The following NCBP1 variants were observed in gnomAD, a reference collection of about 807,000 sequenced individuals.
NCBP1 encodes nuclear cap-binding protein subunit 1.
NCBP1 carries 16 observed loss-of-function variants against 111.7 expected under a neutral mutation model. That is an observed-to-expected ratio of 0.14 (90% CI 0.10 to 0.22). The LOEUF is 0.22. NCBP1 is among the 10% of genes least tolerant of loss of function. The pLI, the probability that NCBP1 is intolerant of heterozygous loss-of-function variation, is 1.00. For synonymous variants in NCBP1, 304 were observed against 314.3 expected, an observed-to-expected ratio of 0.97 and a Z score of 0.35; for missense variants, 607 against 957.5, an observed-to-expected ratio of 0.63 and a Z score of 4.83.
In NCBP1 at chr9:97,671,261, T is replaced by G; in HGVS notation, c.*62T>G. ...ATCTTAAAATAATTTGTCTTATTTT[T>G]TGATGGTTTGAATGCTTGCTTTCTT... On this transcript the variant is annotated 3_prime_UTR_variant, in exon 23 of 23. Transcript: ENST00000375147. 1 of 1,233,368 alleles carries G rather than the reference T, an allele frequency of 8.1e-7. No individual in the cohort carries two copies. 76.4% of individuals were successfully genotyped at this position (1,233,368 alleles called of 1,614,324 possible). A position where few individuals can be genotyped will look rare whatever the true frequency, so the allele number is the denominator to read the frequency against.
At position 97,662,943 on chromosome 9, in the gene NCBP1, A is replaced by C. The variant is rs747965974; in HGVS notation, c.1704-11A>C. Reference sequence around the variant, plus strand: ...GTATATATGGTATTTTTTTCCCATCATTATCAAAAGGTTTCATGAAGTCTT... The same window carrying C: ...GTATATATGGTATTTTTTTCCCATCCTTATCAAAAGGTTTCATGAAGTCTT... On this transcript the variant is annotated splice_polypyrimidine_tract_variant and intron_variant, in intron 17 of 22. Coordinates refer to ENST00000375147, the MANE Select transcript of NCBP1 (RefSeq NM_002486.5). 13 of 1,591,378 alleles carry C rather than the reference A, an allele frequency of 8.2e-6. No individual in the cohort carries two copies. The South Asian group carries it at 1.2e-4, about 15-fold the overall frequency.
At chr9:97,661,327 C>G (rs1029072581) in intron 16 of NCBP1, among the ~76,000 whole-genome samples, 2 of 152,040 alleles carry the variant, frequency 1.3e-5, no homozygotes, top group African/African-American at 4.8e-5. Flanking sequence ...GATTTTTAAC[C>G]CCTGCTTTCA....
At chr9:97,642,986 T>C (rs576237305) in intron 3 of NCBP1, among the ~76,000 whole-genome samples, 1 of 152,298 alleles carries the variant, frequency 6.6e-6, no homozygotes, top group Non-Finnish European at 1.5e-5. Flanking sequence ...TCATTTACTT[T>C]CTTAACTCTT....
At chr9:97,648,289 C>A in intron 8 of NCBP1, 66 bp downstream of exon 8, 1 of 1,405,528 alleles carries the variant, frequency 7.1e-7, no homozygotes, top group Non-Finnish European at 1.0e-6. Context: ...GTTAATCCCG[C>A]TTGAATTATG....
Position 97,648,189 on chromosome 9 carries a change from T to C in NCBP1, c.863T>C (p.Ile288Thr). The C allele has an allele frequency of 6.2e-7, 1 of 1,614,182 alleles. No homozygotes were observed. The highest frequency in any genetic ancestry group is 8.5e-7 in the Non-Finnish European group (1 of 1,180,030). The change falls in exon 8 of 23, where the codon ATC (isoleucine) becomes ACC (threonine). Residue 288 changes from isoleucine (I) to threonine (T), a missense_variant. Coordinates refer to ENST00000375147, the MANE Select transcript of NCBP1 (RefSeq NM_002486.5). ...TCAGTGTACCCAATGCCAAGGGTCATCTTCAGAATGTTTGATTACACAGAT... is the reference window on the plus strand; with the variant it reads ...TCAGTGTACCCAATGCCAAGGGTCACCTTCAGAATGTTTGATTACACAGAT... ...EDSVYPMPRV[I>T]FRMFDYTDDP...
At chr9:97,645,413 CATAAT>C in intron 5 of NCBP1, among the ~76,000 whole-genome samples, 189 bp downstream of exon 5, 1 of 152,148 alleles carries the variant, frequency 6.6e-6, no homozygotes, top group Non-Finnish European at 1.5e-5. Flanking sequence ...GGTGGGTTCT[CATAAT>C]ATCTGTATGT....
intron 20 of NCBP1, 83 bp from the exon 21 acceptor site, chr9:97,668,763 C>T: frequency 6.9e-7 from 1 of 1,450,012 alleles, no homozygotes; most frequent in African/African-American, 1.4e-5. Flanking sequence ...TTTGGCCAGA[C>T]ACAGTAAAAT....
intron 15 of NCBP1, among the ~76,000 whole-genome samples, chr9:97,660,083 A>G (rs563819645): frequency 6.6e-6 from 1 of 152,186 alleles, no homozygotes; most frequent in Non-Finnish European, 1.5e-5. Flanking sequence ...GGCTGTGTCT[A>G]ATGTGAATAT....
At chr9:97,635,634 C>T (rs991941861) in intron 1 of NCBP1, among the ~76,000 whole-genome samples, 2 of 151,820 alleles carry the variant, frequency 1.3e-5, no homozygotes, top group Admixed American at 1.3e-4. Flanking sequence ...GTTGCCCAGG[C>T]TGATCTTGAA....
intron 1 of NCBP1, among the ~76,000 whole-genome samples, chr9:97,636,689 A>G (rs1307741554): frequency 1.4e-5 from 2 of 142,832 alleles, no homozygotes; most frequent in African/African-American, 2.6e-5. Flanking sequence ...CATTTATTCA[A>G]CAAATACTTA....
At position 97,664,287 on chromosome 9, in the gene NCBP1, ATATGTGTGTG is replaced by A. The variant is rs1827928084; in HGVS notation, c.1798-41_1798-32del. The A allele has an allele frequency of 6.4e-5, 74 of 1,157,360 alleles. 1 individual carries two copies. The South Asian group carries it at 8.5e-4, about 13-fold the overall frequency. The allele number at this position is 1,157,360 out of a possible 1,614,324, so 71.7% of individuals were successfully genotyped here. A position where few individuals can be genotyped will look rare whatever the true frequency, so the allele number is the denominator to read the frequency against. On this transcript the variant is annotated intron_variant, in intron 18 of 22. Coordinates refer to ENST00000375147, the MANE Select transcript of NCBP1 (RefSeq NM_002486.5). ...ATAGCAGCAGTGTGGTGGCACATAT[ATATGTGTGTG>A]TATGTGTGTGTGTGATTTACTTGAA...
rs77083291 is a variant in NCBP1 at position 97,658,426 on chromosome 9, C to G, written c.1374-214C>G. The stretch of plus-strand genomic sequence containing the variant: ...CCACCAGGCTCATGAGCTCACTCAC[C>G]CGCACCTCAGTGCAAGCCAGTGAGT... On this transcript the variant is annotated intron_variant, in intron 14 of 22. Coordinates refer to ENST00000375147, the MANE Select transcript of NCBP1 (RefSeq NM_002486.5). Among the ~76,000 whole-genome samples, 93 of 152,364 alleles carry G rather than the reference C, an allele frequency of 6.1e-4. 1 individual carries two copies. The East Asian group carries it at 0.017, about 27-fold the overall frequency.
intron 3 of NCBP1, among the ~76,000 whole-genome samples, chr9:97,642,430 G>C (rs1233358100): frequency 6.6e-6 from 1 of 151,922 alleles, no homozygotes; most frequent in African/African-American, 2.4e-5. Context: ...AGGTACTTTA[G>C]GAAAACAAGT....
intron 19 of NCBP1, among the ~76,000 whole-genome samples, chr9:97,664,709 G>A (rs1419160382): frequency 1.3e-5 from 2 of 152,216 alleles, no homozygotes; most frequent in Non-Finnish European, 2.9e-5. Context: ...GATCCAGACT[G>A]TTGGGAGAGA....
chr9:97,633,829 C>A lies in NCBP1; in HGVS notation c.-53C>A. On this transcript the variant is annotated 5_prime_UTR_variant, in exon 1 of 23. Coordinates refer to ENST00000375147, the MANE Select transcript of NCBP1 (RefSeq NM_002486.5). ...TGCGTCGGCCAGCGGCCAGACAGTT[C>A]CTGCAGCGCTTACCGCCTGGCCTCT... The A allele has an allele frequency of 6.5e-7, 1 of 1,549,934 alleles. No individual in the cohort carries two copies. Among genetic ancestry groups the A allele is most frequent in the Non-Finnish European group, 8.7e-7 (1 of 1,153,908 alleles).
chr9:97,667,523 T>C (rs1828045241), intron 20 of NCBP1, among the ~76,000 whole-genome samples: 1 of 152,178 alleles, frequency 6.6e-6, no homozygotes, highest in East Asian at 1.9e-4. Context: ...CACTCAGACC[T>C]GAAATACTGT....
Position 97,645,163 on chromosome 9 carries a change from C to A in NCBP1, c.428C>A (p.Pro143Gln). The change falls in exon 5 of 23, where the codon CCA (proline) becomes CAA (glutamine). Residue 143 changes from proline (P) to glutamine (Q), a missense_variant. By Grantham distance (76) the Pro-to-Gln change is moderately conservative (BLOSUM62 -1). Transcript: ENST00000375147. Reference sequence around the variant, plus strand: ...GTGAATTGTCATGTGATTGCCGCCCCATCAATGGTTGCTATGTTTGAAAAT... The same window carrying A: ...GTGAATTGTCATGTGATTGCCGCCCAATCAATGGTTGCTATGTTTGAAAAT... ...DLVNCHVIAA[P>Q]SMVAMFENFV... is the part of the protein sequence containing the mutation. 6.2e-7 allele frequency: 1 copy of A among 1,613,492 alleles called. No homozygotes were observed. The highest frequency in any genetic ancestry group is 2.2e-5 in the East Asian group (1 of 44,828).
At position 97,645,653 on chromosome 9, in the gene NCBP1, C is replaced by T; in HGVS notation, c.532C>T (p.Pro178Ser). ...TGTGTATGCATTTCTGTCATCTTTG[C>T]CCTGGGTTGGAAAGGAGTTGTACGA... The part of the protein sequence containing the change: ...WYVYAFLSSL[P>S]WVGKELYEKK... Residue 178 changes from proline to serine, a missense_variant, in exon 6 of 23, where the codon CCC (proline) becomes TCC (serine). This residue lies in a region of NCBP1 where 185 missense variants were observed against 272.0 expected (regional missense o/e 0.68). Coordinates refer to ENST00000375147, the MANE Select transcript of NCBP1 (RefSeq NM_002486.5). The T allele has an allele frequency of 3.1e-6, 5 of 1,613,964 alleles. No individual in the cohort carries two copies. In the East Asian group the frequency reaches 1.1e-4, roughly 36 times the overall value.
chr9:97,669,738 C>T, intron 22 of NCBP1, 32 bp downstream of exon 22: 1 of 1,376,200 alleles, frequency 7.3e-7, no homozygotes. Flanking sequence ...GGTAATAACA[C>T]TATTCTCAGC....
Sources: gnomAD v4.1 joint callset for allele counts (sites outside exome capture counted in the v4.1 genomes callset) on GRCh38, gnomAD v4.1.1 for gene constraint, gnomAD v4.1.1 regional missense constraint, MANE v1.5 for transcripts, NCBI Gene and HGNC (gene_info 2026-07-23, HGNC 2026-07-21) for gene names.